Variants in CDYL2 observed in about 807,000 individuals in gnomAD.
CDYL2 encodes the protein chromodomain Y like 2.
In CDYL2, 23 loss-of-function variants were observed where a neutral mutation model predicts 49.4. That is an observed-to-expected ratio of 0.47 (90% CI 0.34 to 0.66). The LOEUF is 0.66. Ranked by LOEUF, CDYL2 falls within the 30% of genes least tolerant of loss-of-function variation. The pLI, the probability that CDYL2 is intolerant of heterozygous loss-of-function variation, is 0.01. For synonymous variants in CDYL2, 360 were observed against 268.8 expected (o/e 1.34, Z -3.32); for missense variants, 678 against 656.4 (o/e 1.03, Z -0.36).
At chr16:80,765,341 C>A (rs916968013) in intron 1 of CDYL2, among the ~76,000 whole-genome samples, 4 of 151,302 alleles carry the variant, frequency 2.6e-5, no homozygotes, top group African/African-American at 7.3e-5. Flanking sequence ...ATGACAGAAA[C>A]GACGAAAGAC....
chr16:80,645,168 A>G (rs551281512), intron 2 of CDYL2, among the ~76,000 whole-genome samples: 61 of 152,360 alleles, frequency 4.0e-4, no homozygotes. Flanking sequence ...AAGCTTCTGC[A>G]CAGCAAAAGA....
intron 1 of CDYL2, among the ~76,000 whole-genome samples, chr16:80,746,135 G>C (rs1905922352): frequency 6.6e-6 from 1 of 152,138 alleles, no homozygotes; most frequent in African/African-American, 2.4e-5. Flanking sequence ...GGCTCCAACA[G>C]GTACCTGCAC....
chr16:80,769,313 G>T (rs911383167), intron 1 of CDYL2, among the ~76,000 whole-genome samples: 5 of 152,174 alleles, frequency 3.3e-5, no homozygotes, highest in African/African-American at 9.7e-5. Context: ...ATTAGTAAAA[G>T]CATGAGTTAA....
At chr16:80,615,496 C>CCTCT (rs1412936661) in intron 4 of CDYL2, among the ~76,000 whole-genome samples, 11 of 152,044 alleles carry the variant, frequency 7.2e-5, no homozygotes, top group Admixed American at 3.9e-4. Context: ...CATCATTCCG[C>CCTCT]CTCTGCTGGA....
chr16:80,676,961 GTATTTTTTTTTT>G (rs1909770921), intron 2 of CDYL2, among the ~76,000 whole-genome samples: 2 of 110,566 alleles, frequency 1.8e-5, no homozygotes, highest in African/African-American at 3.4e-5. Flanking sequence ...CCAATTCAAT[GTATTTTTTTTTT>G]TTTTTTTTTT....
rs779913759 is a variant in CDYL2, at chr16:80,612,353, C to T, written c.1218+273G>A. Among the ~76,000 whole-genome samples the T allele has an allele frequency of 6.6e-6, 1 of 152,202 alleles. No homozygotes were observed. Among genetic ancestry groups the T allele is most frequent in the Non-Finnish European group, 1.5e-5 (1 of 68,030 alleles). On this transcript the variant is annotated intron_variant, in intron 5 of 6. Transcript: ENST00000570137. This position sits in a 1 kb window ranked among gnomAD's most constrained non-coding sequence, Gnocchi z 5.0. ...TGAGACCGTGGGCTGCTTGTCACAG[C>T]ACCCAGCCAATCCTAAGACACGCCT...
chr16:80,719,661 AC>A (rs1357068414), intron 1 of CDYL2, among the ~76,000 whole-genome samples: 1 of 152,174 alleles, frequency 6.6e-6, no homozygotes, highest in African/African-American at 2.4e-5. Flanking sequence ...AAACAAGGCC[AC>A]CCAGACCCCA....
chr16:80,636,304 A>G (rs959243738), intron 2 of CDYL2, among the ~76,000 whole-genome samples: 1 of 152,218 alleles, frequency 6.6e-6, no homozygotes, highest in East Asian at 1.9e-4. Flanking sequence ...TTTGCTATCT[A>G]TTCATCTGAC....
chr16:80,694,251 G>T (rs11150303), intron 1 of CDYL2, among the ~76,000 whole-genome samples: 1 of 151,982 alleles, frequency 6.6e-6, no homozygotes, highest in African/African-American at 2.4e-5. Context: ...GGCAGGAGGC[G>T]GAGCTCAGGT....
At position 80,668,845 on chromosome 16, in the gene CDYL2, G is replaced by A. The variant is rs554058334; in HGVS notation, c.616+15693C>T. ...ACCCATGAAGCAGAGGCTGCAGTGAGCCGAGATCACCCCACTGCACTCCAA... is the reference window on the plus strand; with the variant it reads ...ACCCATGAAGCAGAGGCTGCAGTGAACCGAGATCACCCCACTGCACTCCAA... On this transcript the variant is annotated intron_variant, in intron 2 of 6. Coordinates refer to ENST00000570137, the MANE Select transcript of CDYL2 (RefSeq NM_152342.4). Among the ~76,000 whole-genome samples the A allele has an allele frequency of 9.1e-4, 139 of 152,048 alleles. 1 individual carries two copies. The highest frequency in any genetic ancestry group is 2.9e-3 in the African/African-American group (121 of 41,488).
At chr16:80,632,383 G>A (rs946680154) in intron 3 of CDYL2, among the ~76,000 whole-genome samples, 1 of 152,128 alleles carries the variant, frequency 6.6e-6, no homozygotes, top group African/African-American at 2.4e-5. Context: ...GAGACAGAAA[G>A]TAGATGAGTG....
At chr16:80,685,275 C>T in intron 1 of CDYL2, 146 bp from the exon 2 acceptor site, 1 of 636,010 alleles carries the variant, frequency 1.6e-6, no homozygotes. Flanking sequence ...ATGCCAGAAG[C>T]CAACACTGGC....
At chr16:80,700,587 G>T (rs898380700) in intron 1 of CDYL2, among the ~76,000 whole-genome samples, 7 of 152,138 alleles carry the variant, frequency 4.6e-5, no homozygotes, top group Non-Finnish European at 8.8e-5. Flanking sequence ...ACTAATCAGG[G>T]AAATGAAAAT....
intron 2 of CDYL2, among the ~76,000 whole-genome samples, chr16:80,650,018 C>T (rs534652328): frequency 4.6e-5 from 7 of 152,214 alleles, no homozygotes; most frequent in East Asian, 3.9e-4. Flanking sequence ...GAACCTACTA[C>T]AAGAAAACAT....
intron 2 of CDYL2, among the ~76,000 whole-genome samples, chr16:80,652,778 T>C (rs1908640036): frequency 6.6e-6 from 1 of 151,932 alleles, no homozygotes; most frequent in African/African-American, 2.4e-5. Flanking sequence ...TCCCAAAAAC[T>C]CACAACACCA....
intron 1 of CDYL2, among the ~76,000 whole-genome samples, chr16:80,740,716 T>A (rs976280187): frequency 6.6e-5 from 10 of 151,524 alleles, no homozygotes; most frequent in African/African-American, 2.2e-4. Flanking sequence ...TAATAACCAG[T>A]GAGAAAATAT....
chr16:80,723,846 AGAGT>A (rs1905080407), intron 1 of CDYL2, among the ~76,000 whole-genome samples: 2 of 151,928 alleles, frequency 1.3e-5, no homozygotes, highest in South Asian at 4.2e-4. Context: ...GAAACAGAGG[AGAGT>A]GAGGAACAGG....
At chr16:80,627,839 T>C (rs893804192) in intron 3 of CDYL2, 2 of 152,236 alleles carry the variant, frequency 1.3e-5, no homozygotes, top group Admixed American at 6.5e-5. Flanking sequence ...TGTACATTCA[T>C]TGCCCTCATT....
In CDYL2 at chr16:80,620,665, C is replaced by A. The variant is rs912803026; in HGVS notation, c.1007+98G>T. On this transcript the variant is annotated intron_variant, in intron 4 of 6. Coordinates refer to ENST00000570137, the MANE Select transcript of CDYL2 (RefSeq NM_152342.4). Reference sequence around the variant, plus strand: ...ATATACTTATGCTAAAAATAAAATTCCTGGTTGTTTGAAATTCGAATTTAA... The same window carrying A: ...ATATACTTATGCTAAAAATAAAATTACTGGTTGTTTGAAATTCGAATTTAA... The A allele has an allele frequency of 7.8e-6, 9 of 1,156,854 alleles. No homozygotes were observed. In the South Asian group the frequency reaches 1.9e-4, roughly 24 times the overall value. 71.7% of individuals were successfully genotyped at this position (1,156,854 alleles called of 1,614,324 possible).
Sources: allele counts gnomAD v4.1 joint callset (sites outside exome capture counted in the v4.1 genomes callset), GRCh38; gene constraint gnomAD v4.1.1; non-coding constraint Gnocchi (gnomAD v3.1); transcripts MANE v1.5; gene names NCBI Gene and HGNC (gene_info 2026-07-23, HGNC 2026-07-21).